The following SKAP1 variants were observed in gnomAD, a reference collection of about 807,000 sequenced individuals.
SKAP1 encodes the protein src kinase-associated phosphoprotein 1.
In SKAP1, 44 loss-of-function variants were observed where a neutral mutation model predicts 58.5. The ratio of observed to expected loss-of-function variants is 0.75; its 90% CI spans 0.59 to 0.97. The LOEUF (loss-of-function observed/expected upper bound fraction) is 0.97. SKAP1 is among the 50% of genes least tolerant of loss of function. SKAP1 has a pLI of 0.00. For missense variants in SKAP1, 390 were observed against 435.2 expected (o/e 0.90, Z 0.92); for synonymous variants, 127 against 149.7 (o/e 0.85, Z 1.11).
At chr17:48,370,958 A>C (rs1418228974) in intron 2 of SKAP1, among the ~76,000 whole-genome samples, 2 of 152,216 alleles carry the variant, frequency 1.3e-5, no homozygotes, top group Non-Finnish European at 2.9e-5. Flanking sequence ...ATAATAAACA[A>C]TGAAATCACG....
intron 4 of SKAP1, among the ~76,000 whole-genome samples, chr17:48,338,624 T>G (rs369608005): frequency 2.0e-5 from 3 of 152,180 alleles, no homozygotes; most frequent in Non-Finnish European, 2.9e-5. Flanking sequence ...ATGGAAGATG[T>G]CCAGCTATCA....
intron 11 of SKAP1, among the ~76,000 whole-genome samples, chr17:48,139,872 TC>T (rs2063747284): frequency 6.6e-6 from 1 of 152,030 alleles, no homozygotes; most frequent in Non-Finnish European, 1.5e-5. Flanking sequence ...GAAGCACCCC[TC>T]CCCTGGTTTA....
chr17:48,166,645 C>T (rs548035743), intron 10 of SKAP1, among the ~76,000 whole-genome samples: 20 of 152,190 alleles, frequency 1.3e-4, no homozygotes, highest in African/African-American at 3.4e-4. Flanking sequence ...CTAAAATGAT[C>T]GTGTCAATAA....
chr17:48,411,479 A>G (rs540758281), intron 1 of SKAP1, among the ~76,000 whole-genome samples: 1 of 152,292 alleles, frequency 6.6e-6, no homozygotes, highest in African/African-American at 2.4e-5. Context: ...AGAATTTCAA[A>G]TAATTTATGT....
Position 48,189,490 on chromosome 17 carries a change from G to A in SKAP1, c.291C>T (p.Asp97=). ...CAAGTTCTTGAGCTCCTTTTACGAT[G>A]TCTTCCATTCCTAAAAGGACCAATG... ...LSDYQDEGME[D]IVKGAQELDN... Residue 97 remains aspartate (D), a synonymous_variant, in exon 5 of 13, where the codon GAC becomes GAT. Transcript: ENST00000336915. 6.2e-7 allele frequency: 1 copy of A among 1,612,024 alleles called. No homozygotes were observed. The highest frequency in any genetic ancestry group is 8.5e-7 in the Non-Finnish European group (1 of 1,179,244).
chr17:48,346,553 G>T (rs1261172647), intron 3 of SKAP1, among the ~76,000 whole-genome samples: 2 of 152,014 alleles, frequency 1.3e-5, no homozygotes. Context: ...GAACCCGGGG[G>T]GTAGAGGTTG....
intron 11 of SKAP1, among the ~76,000 whole-genome samples, chr17:48,142,104 T>G (rs1331533505): frequency 6.6e-6 from 1 of 152,160 alleles, no homozygotes; most frequent in East Asian, 1.9e-4. Flanking sequence ...CCTTGTTGGT[T>G]TTGTTTGCTT....
chr17:48,217,858 A>C (rs73324737), intron 4 of SKAP1, among the ~76,000 whole-genome samples: 4,825 of 152,318 alleles, frequency 0.032, 92 homozygotes, highest in East Asian at 0.054. Flanking sequence ...ATTGGAAATA[A>C]ATTAAAAGGC....
At chr17:48,362,118 T>G (rs2066945754) in intron 3 of SKAP1, among the ~76,000 whole-genome samples, 2 of 152,144 alleles carry the variant, frequency 1.3e-5, no homozygotes, top group South Asian at 4.1e-4. Context: ...GCAAATACAG[T>G]TTTCTGTTCT....
chr17:48,140,634 C>T (rs1448696544), intron 11 of SKAP1, among the ~76,000 whole-genome samples: 1 of 152,158 alleles, frequency 6.6e-6, no homozygotes, highest in African/African-American at 2.4e-5. Context: ...GCCTTCACCT[C>T]CATCCTGACT....
At position 48,204,993 on chromosome 17, in the gene SKAP1, C is replaced by CT. The variant is rs1457100566; in HGVS notation, c.281-15494dup. On this transcript the variant is annotated intron_variant, in intron 4 of 12. Coordinates refer to ENST00000336915, the MANE Select transcript of SKAP1 (RefSeq NM_003726.4). ...TTTTCTTTTCTTTCTTTCTTTCTTT[C>CT]TTTCTTTCTTTCTTTCTTTCTTTTT... Among the ~76,000 whole-genome samples, 424 of 51,918 alleles carry CT rather than the reference C, an allele frequency of 8.2e-3. 3 individuals carry two copies. Among genetic ancestry groups the CT allele is most frequent in the African/African-American group, 0.035 (363 of 10,304 alleles). The allele number at this position is 51,918 out of a possible 152,430, so 34.1% of individuals were successfully genotyped here. A position where few individuals can be genotyped will look rare whatever the true frequency, so the allele number is the denominator to read the frequency against.
At chr17:48,384,971 A>T (rs1008438299) in intron 2 of SKAP1, among the ~76,000 whole-genome samples, 1 of 152,184 alleles carries the variant, frequency 6.6e-6, no homozygotes, top group Admixed American at 6.5e-5. Context: ...GAGGAACAAG[A>T]GCAAAGAGGG....
intron 4 of SKAP1, among the ~76,000 whole-genome samples, chr17:48,222,614 G>A (rs1282322758): frequency 1.3e-5 from 2 of 151,596 alleles, no homozygotes; most frequent in Non-Finnish European, 2.9e-5. Flanking sequence ...TGAGTATCTG[G>A]GATTACAGGC....
chr17:48,249,304 G>A (rs193060544), intron 4 of SKAP1, among the ~76,000 whole-genome samples: 6 of 152,192 alleles, frequency 3.9e-5, no homozygotes, highest in East Asian at 1.9e-4. Flanking sequence ...CCTTAGCTAC[G>A]GCTAAACTAA....
chr17:48,295,895 G>A (rs755895512), intron 4 of SKAP1, among the ~76,000 whole-genome samples: 4 of 151,594 alleles, frequency 2.6e-5, no homozygotes, highest in Non-Finnish European at 2.9e-5. Context: ...GTGTCTATGT[G>A]TATATACTAT....
chr17:48,244,591 G>T (rs1201478287), intron 4 of SKAP1, among the ~76,000 whole-genome samples: 1 of 148,682 alleles, frequency 6.7e-6, no homozygotes, highest in East Asian at 2.0e-4. Flanking sequence ...CCTGTTAAAG[G>T]TTCCTTTCAG....
rs138869864 is a variant in SKAP1, at chr17:48,234,458, C to A, written c.281-44958G>T. Among the ~76,000 whole-genome samples the A allele has an allele frequency of 4.6e-5, 7 of 152,218 alleles. No individual in the cohort carries two copies. The East Asian group carries it at 5.8e-4, about 13-fold the overall frequency. ...TGTTTAGGATGAAATTGGTACAGGGCTAGACATGGACACCTGTGAAGAAAA... is the reference window on the plus strand; with the variant it reads ...TGTTTAGGATGAAATTGGTACAGGGATAGACATGGACACCTGTGAAGAAAA... On this transcript the variant is annotated intron_variant, in intron 4 of 12. Transcript: ENST00000336915.
chr17:48,363,084 T>C (rs555414489), intron 3 of SKAP1, among the ~76,000 whole-genome samples: 1 of 152,326 alleles, frequency 6.6e-6, no homozygotes, highest in African/African-American at 2.4e-5. Context: ...CCTCAAACTG[T>C]TTGAATTCGG....
chr17:48,139,905 A>G (rs1353789062), intron 11 of SKAP1, among the ~76,000 whole-genome samples: 2 of 152,122 alleles, frequency 1.3e-5, no homozygotes, highest in Non-Finnish European at 2.9e-5. Flanking sequence ...CACAACACGC[A>G]CTTGCAACCC....
Sources: gnomAD v4.1 joint callset for allele counts (sites outside exome capture counted in the v4.1 genomes callset) on GRCh38, gnomAD v4.1.1 for gene constraint, MANE v1.5 for transcripts, NCBI Gene and HGNC (gene_info 2026-07-23, HGNC 2026-07-21) for gene names.